The following TG variants were observed in gnomAD, a reference collection of about 807,000 sequenced individuals.
TG encodes thyroid hormones.
TG carries 270 observed loss-of-function variants against 324.7 expected under a neutral mutation model. The observed-to-expected ratio is 0.83, with a 90% CI of 0.75 to 0.92. The LOEUF is 0.92. Ranked by LOEUF, TG falls within the 40% of genes least tolerant of loss-of-function variation. TG has a pLI of 0.00. For missense variants in TG, 3,591 were observed against 3,456.4 expected (o/e 1.04, Z -0.98); for synonymous variants, 1,401 against 1,327.0 (o/e 1.06, Z -1.21).
At chr8:132,900,078 TG>T (rs1323738556) in intron 14 of TG, among the ~76,000 whole-genome samples, 158 bp from the exon 15 acceptor site, 1 of 152,194 alleles carries the variant, frequency 6.6e-6, no homozygotes, top group East Asian at 1.9e-4. Context: ...CGTAAAGGGC[TG>T]GGAACAGGAG....
intron 10 of TG, 146 bp downstream of exon 10, chr8:132,888,714 G>A (rs969179629): frequency 1.3e-5 from 11 of 845,064 alleles, no homozygotes; most frequent in Non-Finnish European, 1.9e-5. Flanking sequence ...AGAAAACGAA[G>A]GCTCACAGAG....
chr8:132,967,777 T>C lies in TG; in HGVS notation c.5687-17T>C, dbSNP rs543960865. The C allele has an allele frequency of 2.5e-6, 4 of 1,613,230 alleles. No homozygotes were observed. In the South Asian group the frequency reaches 3.3e-5, roughly 13 times the overall value. ...GACCCCACAAAAACTAAAATCACAC[T>C]ACTCTCTTGCCTGTAGGTTGTGTGC... On this transcript the variant is annotated splice_polypyrimidine_tract_variant and intron_variant, in intron 30 of 47. Transcript: ENST00000220616.
At chr8:132,892,018 A>C (rs1212506624) in intron 10 of TG, among the ~76,000 whole-genome samples, 1 of 152,204 alleles carries the variant, frequency 6.6e-6, no homozygotes, top group Non-Finnish European at 1.5e-5. Context: ...ACAAAACCCC[A>C]TGGACTAGAT....
chr8:133,086,881 C>A (rs768277191), intron 41 of TG, among the ~76,000 whole-genome samples: 15 of 152,154 alleles, frequency 9.9e-5, no homozygotes, highest in Non-Finnish European at 1.8e-4. Context: ...TCATTGCCTG[C>A]AGGTGCCCCT....
chr8:133,025,446 A>G (rs1238219663), intron 40 of TG, among the ~76,000 whole-genome samples: 1 of 152,218 alleles, frequency 6.6e-6, no homozygotes, highest in African/African-American at 2.4e-5. Context: ...TTAAGTTTAT[A>G]GAAAAGTGAG....
At chr8:132,924,268 G>C (rs1349084649) in intron 22 of TG, among the ~76,000 whole-genome samples, 1 of 152,086 alleles carries the variant, frequency 6.6e-6, no homozygotes, top group Non-Finnish European at 1.5e-5. Context: ...GATCTGACAG[G>C]AGGCGGAGCT....
chr8:133,110,112 A>C (rs938834369), intron 43 of TG, among the ~76,000 whole-genome samples: 1 of 152,168 alleles, frequency 6.6e-6, no homozygotes, highest in Non-Finnish European at 1.5e-5. Context: ...CACGTAGCAA[A>C]GCAGCCTGGG....
intron 41 of TG, chr8:133,073,300 T>C (rs1844353561): frequency 6.6e-6 from 1 of 152,234 alleles, no homozygotes; most frequent in Non-Finnish European, 1.5e-5. Context: ...GTCTATTCCA[T>C]AGGTTTTTAA....
chr8:133,131,663 T>C (rs1359301399), intron 45 of TG, 149 bp from the exon 46 acceptor site: 30 of 1,181,462 alleles, frequency 2.5e-5, no homozygotes, highest in Non-Finnish European at 9.3e-6. Context: ...AAATCTCCAT[T>C]CAACTGGGCC....
chr8:133,020,479 G>A (rs1835461534), intron 39 of TG, among the ~76,000 whole-genome samples: 1 of 152,176 alleles, frequency 6.6e-6, no homozygotes, highest in African/African-American at 2.4e-5. Context: ...TTGTTGGTGA[G>A]CTACCCAATA....
intron 27 of TG, among the ~76,000 whole-genome samples, chr8:132,953,267 G>T (rs1826374049): frequency 6.6e-6 from 1 of 152,166 alleles, no homozygotes; most frequent in South Asian, 2.1e-4. Flanking sequence ...TCCCCAGGCT[G>T]GAGCAGCCCC....
At chr8:132,967,321 G>T (rs749976861) in intron 30 of TG, among the ~76,000 whole-genome samples, 5 of 152,308 alleles carry the variant, frequency 3.3e-5, no homozygotes, top group Non-Finnish European at 4.4e-5. Context: ...TTTTGGAGAA[G>T]AAAGAGAACA....
At chr8:132,913,459 G>A (rs543742247) in intron 20 of TG, among the ~76,000 whole-genome samples, 194 bp downstream of exon 20, 192 of 152,296 alleles carry the variant, frequency 1.3e-3, no homozygotes, top group African/African-American at 4.5e-3. Flanking sequence ...ATGGCAGAAG[G>A]AGCCCCATAT....
At chr8:132,901,578 C>T (rs778688293) in intron 16 of TG, 25 bp downstream of exon 16, 32 of 1,604,520 alleles carry the variant, frequency 2.0e-5, no homozygotes, top group Admixed American at 3.4e-5. Flanking sequence ...CCTGGGGGGA[C>T]GACGAGGCCT....
intron 25 of TG, among the ~76,000 whole-genome samples, chr8:132,940,378 A>G (rs2739069): frequency 0.54 from 82,737 of 152,070 alleles, 23,296 homozygotes; most frequent in Non-Finnish European, 0.61. Context: ...TCTATCCCTG[A>G]AAAATCTCAT....
intron 35 of TG, chr8:132,995,433 T>C (rs923208923): frequency 1.0e-6 from 1 of 985,220 alleles, no homozygotes; most frequent in African/African-American, 1.7e-5. Context: ...CTGTGTGAGC[T>C]TGGGCAAGTT....
rs774326042 is a variant in TG, at chr8:132,867,077, G to T, written c.67+10G>T. The T allele has an allele frequency of 8.2e-6, 13 of 1,593,300 alleles. No individual in the cohort carries two copies. The highest frequency in any genetic ancestry group is 9.4e-6 in the Non-Finnish European group (11 of 1,168,202). On this transcript the variant is annotated intron_variant, in intron 1 of 47. Coordinates refer to ENST00000220616, the MANE Select transcript of TG (RefSeq NM_003235.5). ...TCGGCCAATATCTTCGGTAAGTTCT[G>T]AGGCCATGGAGCCAGGCGGTGGGGA...
At chr8:132,917,763 G>A (rs535349354) in intron 20 of TG, among the ~76,000 whole-genome samples, 1 of 152,058 alleles carries the variant, frequency 6.6e-6, no homozygotes, top group East Asian at 1.9e-4. Flanking sequence ...CAATGTTGGG[G>A]GGTTTGTGGA....
chr8:133,108,781 A>G lies in TG; in HGVS notation c.7573-4641A>G, dbSNP rs201043648. On this transcript the variant is annotated intron_variant, in intron 43 of 47. Transcript: ENST00000220616. ...TGTCACCATACTGAGCACTGGGGCT[A>G]TGGACACAATCCCTGCCCCCTTTGC... Among the ~76,000 whole-genome samples, 364 of 152,324 alleles carry G rather than the reference A, an allele frequency of 2.4e-3. 2 individuals are homozygous for G. Among genetic ancestry groups the G allele is most frequent in the African/African-American group, 8.3e-3 (343 of 41,568 alleles).
Sources: gnomAD v4.1 joint callset for allele counts (sites outside exome capture counted in the v4.1 genomes callset) on GRCh38, gnomAD v4.1.1 for gene constraint, MANE v1.5 for transcripts, NCBI Gene and HGNC (gene_info 2026-07-23, HGNC 2026-07-21) for gene names.